The following RAB38 variants were observed in gnomAD, a reference collection of about 807,000 sequenced individuals.
The protein encoded by RAB38 is ras-related protein Rab-38.
A neutral mutation model predicts 18.4 loss-of-function variants in RAB38; 15 were observed. The observed-to-expected ratio is 0.82, with a 90% CI of 0.55 to 1.26. RAB38 has a LOEUF of 1.26. RAB38 is among the 50% of genes most tolerant of loss of function. The pLI is 0.00. For missense variants in RAB38, 294 were observed against 267.4 expected (o/e 1.10, Z -0.69); for synonymous variants, 101 against 104.4 (o/e 0.97, Z 0.20).
chr11:88,058,598 T>C, the RAB38 span, among the ~76,000 whole-genome samples: 1 of 152,182 alleles, frequency 6.6e-6, no homozygotes, highest in African/African-American at 2.4e-5. Flanking sequence ...GTGGATCCCA[T>C]CCCTCACATT....
chr11:87,892,272 T>C, the RAB38 span, among the ~76,000 whole-genome samples: 1 of 151,840 alleles, frequency 6.6e-6, no homozygotes, highest in South Asian at 2.1e-4. Flanking sequence ...TACTTTTCTA[T>C]TTCCTTGGTA....
At chr11:87,810,895 A>C in the RAB38 span, among the ~76,000 whole-genome samples, 32 of 152,276 alleles carry the variant, frequency 2.1e-4, no homozygotes, top group East Asian at 4.1e-3. Flanking sequence ...AGAAGAAAGA[A>C]TTCAGCTGAG....
At chr11:88,104,172 G>T in the RAB38 span, among the ~76,000 whole-genome samples, 1 of 152,052 alleles carries the variant, frequency 6.6e-6, no homozygotes, top group Non-Finnish European at 1.5e-5. Flanking sequence ...CTTTGGATGC[G>T]CTCCCTCAGC....
chr11:88,071,393 C>A, the RAB38 span, among the ~76,000 whole-genome samples: 1 of 152,178 alleles, frequency 6.6e-6, no homozygotes, highest in African/African-American at 2.4e-5. Context: ...TCTACTGTTT[C>A]TGGGAGAGTG....
At chr11:87,805,820 AAG>A in the RAB38 span, among the ~76,000 whole-genome samples, 1 of 152,084 alleles carries the variant, frequency 6.6e-6, no homozygotes, top group African/African-American at 2.4e-5. Flanking sequence ...GAGACCAGGA[AAG>A]AGTTGATGCT....
the RAB38 span, among the ~76,000 whole-genome samples, chr11:87,928,336 G>A: frequency 2.0e-5 from 3 of 152,040 alleles, no homozygotes; most frequent in East Asian, 5.8e-4. Flanking sequence ...CCTGGGGAGA[G>A]TCTCCACATC....
the RAB38 span, among the ~76,000 whole-genome samples, chr11:87,889,738 A>T: frequency 2.0e-5 from 3 of 151,768 alleles, no homozygotes; most frequent in Admixed American, 2.0e-4. Context: ...CAAAGCCCAT[A>T]TTCTTTCTCT....
chr11:87,971,644 A>G, the RAB38 span, among the ~76,000 whole-genome samples: 2 of 152,272 alleles, frequency 1.3e-5, no homozygotes, highest in South Asian at 2.1e-4. Flanking sequence ...TTCTATAGAT[A>G]CAGAGTGAAA....
the RAB38 span, among the ~76,000 whole-genome samples, chr11:87,829,322 G>A: frequency 6.6e-6 from 1 of 152,276 alleles, no homozygotes; most frequent in South Asian, 2.1e-4. Flanking sequence ...CATGTACCCT[G>A]TTGTATCAGT....
the RAB38 span, among the ~76,000 whole-genome samples, chr11:87,911,288 C>T: frequency 1.5e-3 from 227 of 152,026 alleles, no homozygotes; most frequent in African/African-American, 4.7e-3. Context: ...TATTAATTTT[C>T]GATTCAACTT....
the RAB38 span, among the ~76,000 whole-genome samples, chr11:88,004,168 A>T: frequency 2.0e-5 from 3 of 149,624 alleles, no homozygotes; most frequent in South Asian, 6.3e-4. Flanking sequence ...CAATTGCCTC[A>T]TAGACACACA....
chr11:87,874,552 G>C, the RAB38 span, among the ~76,000 whole-genome samples: 3 of 151,288 alleles, frequency 2.0e-5, no homozygotes, highest in Admixed American at 1.3e-4. Context: ...TAATGTAAAT[G>C]ATGAGTTAAT....
chr11:87,842,775 TACAC>T, the RAB38 span, among the ~76,000 whole-genome samples: 1 of 148,442 alleles, frequency 6.7e-6, no homozygotes, highest in Non-Finnish European at 1.5e-5. Flanking sequence ...TGCGCACACA[TACAC>T]ACATGCATGC....
At chr11:87,958,222 A>G in the RAB38 span, among the ~76,000 whole-genome samples, 5,087 of 152,302 alleles carry the variant, frequency 0.033, 280 homozygotes, top group African/African-American at 0.11. Context: ...GCCCGGCTGT[A>G]GGCCAATGTA....
At chr11:88,015,533 C>T in the RAB38 span, among the ~76,000 whole-genome samples, 1 of 152,094 alleles carries the variant, frequency 6.6e-6, no homozygotes, top group African/African-American at 2.4e-5. Flanking sequence ...CTATTTTGAT[C>T]ATTGCCTTGC....
At chr11:87,937,300 T>C in the RAB38 span, among the ~76,000 whole-genome samples, 15 of 120,252 alleles carry the variant, frequency 1.2e-4, no homozygotes, top group African/African-American at 4.6e-4. Flanking sequence ...AAATAACTTT[T>C]ACTTGGTCAT....
the RAB38 span, among the ~76,000 whole-genome samples, chr11:87,943,113 C>A: frequency 6.6e-6 from 1 of 151,608 alleles, no homozygotes; most frequent in African/African-American, 2.4e-5. Flanking sequence ...TTTACAATAC[C>A]CCATGGGAAC....
At chr11:88,031,912 G>A in the RAB38 span, among the ~76,000 whole-genome samples, 21 of 151,564 alleles carry the variant, frequency 1.4e-4, no homozygotes, top group African/African-American at 4.6e-4. Context: ...AAAAGAGCCC[G>A]CATCGCCAAG....
At chr11:87,838,055 C>T in the RAB38 span, among the ~76,000 whole-genome samples, 16 of 152,090 alleles carry the variant, frequency 1.1e-4, no homozygotes, top group Non-Finnish European at 1.9e-4. Flanking sequence ...CCTTGTGATA[C>T]GTGTGCAGCA....
Sources: allele counts gnomAD v4.1 joint callset (sites outside exome capture counted in the v4.1 genomes callset), GRCh38; gene constraint gnomAD v4.1.1; transcripts MANE v1.5; gene names NCBI Gene and HGNC (gene_info 2026-07-23, HGNC 2026-07-21).